The following JMJD1C variants were observed in gnomAD, a reference collection of about 807,000 sequenced individuals.
JMJD1C encodes the protein jumonji domain containing 1C, also known as jumonji domain-containing protein 1C.
Under a neutral mutation model 245.3 loss-of-function variants are expected in JMJD1C, and 31 were observed. The observed-to-expected ratio is 0.13, with a 90% CI of 0.09 to 0.17. The LOEUF is 0.17. JMJD1C is among the 10% of genes least tolerant of loss of function. The pLI is 1.00. For synonymous variants in JMJD1C, 1,057 were observed against 1,017.4 expected, an observed-to-expected ratio of 1.04 and a Z score of -0.74; for missense variants, 2,691 against 3,000.2, an observed-to-expected ratio of 0.90 and a Z score of 2.41.
intron 1 of JMJD1C, among the ~76,000 whole-genome samples, chr10:63,412,729 T>A (rs1317391239): frequency 6.6e-6 from 1 of 152,226 alleles, no homozygotes; most frequent in Admixed American, 6.5e-5. Flanking sequence ...GTGTATATTT[T>A]ATGGTAGCAA....
chr10:63,193,450 G>A lies in JMJD1C; in HGVS notation c.5757C>T (p.Ala1919=). The part of the protein sequence containing the change: ...PGSVLTDLLD[A]MHTLREKYGI... ...CATATTTTTCCCTAAGAGTGTGCATGGCATCTAGAAGATCTGTCAAAACTA... is the reference window on the plus strand; with the variant it reads ...CATATTTTTCCCTAAGAGTGTGCATAGCATCTAGAAGATCTGTCAAAACTA... Residue 1919 remains alanine, a synonymous_variant, in exon 15 of 26, where the codon GCC becomes GCT. Transcript: ENST00000399262. The A allele has an allele frequency of 1.3e-6, 2 of 1,592,704 alleles. No individual in the cohort carries two copies. The highest frequency in any genetic ancestry group is 8.6e-7 in the Non-Finnish European group (1 of 1,166,708).
rs752341212 is a variant in JMJD1C at position 63,208,086 on chromosome 10, T to C, written c.3583A>G (p.Asn1195Asp). 9.9e-6 allele frequency: 16 copies of C among 1,614,108 alleles called. No homozygotes were observed. Among genetic ancestry groups the C allele is most frequent in the African/African-American group, 2.7e-5 (2 of 75,046 alleles). Residue 1195 changes from asparagine to aspartate, a missense_variant, in exon 10 of 26, where the codon AAT becomes GAT. By Grantham distance (23) the Asn-to-Asp change is conservative. This residue lies in a region of JMJD1C where 1,562 missense variants were observed against 1,490.7 expected (regional missense o/e 1.05). Transcript: ENST00000399262. Reference sequence around the variant, plus strand: ...AATGCAGGCATACTGCGGAGTGTATTTGTAGAAGAAACTGTCAAATGGGTA... The same window carrying C: ...AATGCAGGCATACTGCGGAGTGTATCTGTAGAAGAAACTGTCAAATGGGTA... The part of the protein sequence containing the change: ...SPTHLTVSST[N>D]TLRSMPALHR...
chr10:63,499,624 T>C (rs1954479086), intron 1 of JMJD1C, among the ~76,000 whole-genome samples: 1 of 152,026 alleles, frequency 6.6e-6, no homozygotes, highest in Non-Finnish European at 1.5e-5. Context: ...TACTGAAGGG[T>C]ATCCTTTCAG....
chr10:63,517,323 A>G (rs4745729), intron 1 of JMJD1C, among the ~76,000 whole-genome samples: 21,051 of 152,240 alleles, frequency 0.14, 2,094 homozygotes, highest in Admixed American at 0.29. Context: ...ATCTCCTAGG[A>G]AAACTAATAT....
chr10:63,276,808 A>G (rs1230933295), intron 2 of JMJD1C, among the ~76,000 whole-genome samples: 1 of 151,970 alleles, frequency 6.6e-6, no homozygotes, highest in Non-Finnish European at 1.5e-5. Context: ...GTCCCACAAA[A>G]TATGAGACTC....
chr10:63,241,196 T>C (rs983921590), intron 3 of JMJD1C, among the ~76,000 whole-genome samples: 2 of 152,222 alleles, frequency 1.3e-5, no homozygotes, highest in African/African-American at 2.4e-5. Flanking sequence ...GCTCGACTTA[T>C]GAAGGGGTTA....
chr10:63,248,855 G>A (rs937602051), intron 3 of JMJD1C, among the ~76,000 whole-genome samples: 8 of 152,206 alleles, frequency 5.3e-5, no homozygotes, highest in African/African-American at 1.7e-4. Context: ...AATGATATAG[G>A]AAATGTGGTA....
Position 63,206,938 on chromosome 10 carries a change from T to G in JMJD1C, c.4731A>C (p.Glu1577Asp), listed in dbSNP as rs1442103538. The G allele has an allele frequency of 6.2e-7, 1 of 1,612,170 alleles. No homozygotes were observed. The highest frequency in any genetic ancestry group is 2.2e-5 in the East Asian group (1 of 44,888). Residue 1577 changes from glutamate (E) to aspartate (D), a missense_variant, in exon 10 of 26, where the codon GAA becomes GAC. Transcript: ENST00000399262. ...KMENSGNSVS[E>D]IIKPCSVNLI... The stretch of plus-strand genomic sequence containing the variant: ...AGTTGACAGAACATGGCTTAATAAT[T>G]TCTGATACAGAATTCCCTGAATTTT...
intron 22 of JMJD1C, among the ~76,000 whole-genome samples, chr10:63,182,240 C>T (rs1589073693): frequency 2.6e-5 from 4 of 152,118 alleles, no homozygotes; most frequent in South Asian, 2.1e-4. Flanking sequence ...TCTGAAACTC[C>T]GAAGAAGCCT....
intron 2 of JMJD1C, among the ~76,000 whole-genome samples, chr10:63,312,113 T>TG (rs947748252): frequency 8.2e-6 from 1 of 122,150 alleles, no homozygotes; most frequent in African/African-American, 2.7e-5. Flanking sequence ...TTTTTTTTTT[T>TG]TTTGTGTGTG....
intron 12 of JMJD1C, 80 bp downstream of exon 12, chr10:63,198,433 G>T: frequency 1.2e-6 from 1 of 852,962 alleles, no homozygotes; most frequent in Non-Finnish European, 1.9e-6. Flanking sequence ...TAAGATTAGG[G>T]ACTTCTTTCA....
At chr10:63,478,703 C>T (rs943407090) in intron 1 of JMJD1C, among the ~76,000 whole-genome samples, 2 of 152,154 alleles carry the variant, frequency 1.3e-5, no homozygotes, top group African/African-American at 4.8e-5. Context: ...ACAACATATG[C>T]ACAACATGCA....
intron 1 of JMJD1C, among the ~76,000 whole-genome samples, chr10:63,413,357 A>G (rs1462846752): frequency 6.6e-6 from 1 of 152,198 alleles, no homozygotes; most frequent in Non-Finnish European, 1.5e-5. Context: ...TATGGTATTC[A>G]TGATAAATTT....
intron 1 of JMJD1C, among the ~76,000 whole-genome samples, chr10:63,388,889 A>G (rs1947829692): frequency 6.6e-6 from 1 of 152,236 alleles, no homozygotes; most frequent in African/African-American, 2.4e-5. Flanking sequence ...AGTAGCTACA[A>G]TTAAACAGTC....
chr10:63,399,091 G>A (rs1564878818), intron 1 of JMJD1C, among the ~76,000 whole-genome samples: 1 of 152,118 alleles, frequency 6.6e-6, no homozygotes, highest in African/African-American at 2.4e-5. Flanking sequence ...AACAATAGAT[G>A]TTTTTTAGGG....
intron 24 of JMJD1C, among the ~76,000 whole-genome samples, chr10:63,171,657 T>C (rs1381700033): frequency 6.6e-6 from 1 of 152,220 alleles, no homozygotes; most frequent in Admixed American, 6.5e-5. Context: ...TGGAAACTTG[T>C]CAGAAATCTA....
At chr10:63,202,866 G>C in intron 10 of JMJD1C, 1 of 977,104 alleles carries the variant, frequency 1.0e-6, no homozygotes, top group East Asian at 1.1e-4. Context: ...TGGAACACTT[G>C]CTTCTAATCA....
At chr10:63,270,621 C>T (rs1564714853) in intron 2 of JMJD1C, among the ~76,000 whole-genome samples, 1 of 152,126 alleles carries the variant, frequency 6.6e-6, no homozygotes, top group Non-Finnish European at 1.5e-5. Flanking sequence ...TGGGCATCAC[C>T]ATGCCTAGCT....
intron 11 of JMJD1C, among the ~76,000 whole-genome samples, chr10:63,200,190 T>C (rs1273241881): frequency 1.3e-5 from 2 of 152,196 alleles, no homozygotes; most frequent in African/African-American, 2.4e-5. Flanking sequence ...AGTTAGTATA[T>C]AGGTTAACAA....
Sources: gnomAD v4.1 joint callset for allele counts (sites outside exome capture counted in the v4.1 genomes callset) on GRCh38, gnomAD v4.1.1 for gene constraint, gnomAD v4.1.1 regional missense constraint, MANE v1.5 for transcripts, NCBI Gene and HGNC (gene_info 2026-07-23, HGNC 2026-07-21) for gene names.